Variants in SLIT2 observed in about 807,000 individuals in gnomAD.
SLIT2 encodes the protein slit guidance ligand 2, also known as slit homolog 2 protein.
A neutral mutation model predicts 185.7 loss-of-function variants in SLIT2; 41 were observed. The ratio of observed to expected loss-of-function variants is 0.22; its 90% CI spans 0.17 to 0.29. SLIT2 has a LOEUF of 0.29. Ranked by LOEUF, SLIT2 falls within the 10% of genes least tolerant of loss-of-function variation. The pLI is 1.00. For synonymous variants in SLIT2, 693 were observed against 680.2 expected (o/e 1.02, Z -0.29); for missense variants, 1,571 against 1,909.0 (o/e 0.82, Z 3.30).
At chr4:20,595,205 AAAT>A (rs1161174138) in intron 30 of SLIT2, among the ~76,000 whole-genome samples, 1 of 152,180 alleles carries the variant, frequency 6.6e-6, no homozygotes, top group African/African-American at 2.4e-5. Context: ...GCTTTTCTTA[AAAT>A]AATACCTTGT....
intron 4 of SLIT2, among the ~76,000 whole-genome samples, chr4:20,434,038 C>T (rs1018472867): frequency 6.6e-6 from 1 of 152,054 alleles, no homozygotes. Flanking sequence ...TAGGATAAAG[C>T]TTTGTGTCCC....
chr4:20,545,103 T>C (rs1337278521), intron 21 of SLIT2, among the ~76,000 whole-genome samples: 1 of 152,094 alleles, frequency 6.6e-6, no homozygotes, highest in East Asian at 1.9e-4. Context: ...TTCTCAGCTA[T>C]TTCTATATCC....
intron 4 of SLIT2, among the ~76,000 whole-genome samples, chr4:20,437,055 A>G (rs1464686833): frequency 6.6e-6 from 1 of 152,202 alleles, no homozygotes; most frequent in Admixed American, 6.5e-5. Flanking sequence ...AAATGTAAGC[A>G]TTTTGTCTCA....
chr4:20,492,962 ACT>A (rs1211380735), intron 9 of SLIT2, among the ~76,000 whole-genome samples: 1 of 152,084 alleles, frequency 6.6e-6, no homozygotes, highest in East Asian at 1.9e-4. Flanking sequence ...GGAATTCTAG[ACT>A]CTGTGAAGAT....
chr4:20,328,902 G>A (rs975159438), intron 4 of SLIT2, among the ~76,000 whole-genome samples: 7 of 152,084 alleles, frequency 4.6e-5, no homozygotes, highest in Admixed American at 6.6e-5. Flanking sequence ...ATGTGCACAT[G>A]TCTGTGTGTC....
intron 21 of SLIT2, among the ~76,000 whole-genome samples, chr4:20,545,470 T>C (rs998217187): frequency 6.6e-6 from 1 of 151,454 alleles, no homozygotes; most frequent in Admixed American, 6.6e-5. Context: ...TATATATATA[T>C]ATATATATTT....
At chr4:20,262,774 T>C (rs1283480511) in intron 3 of SLIT2, among the ~76,000 whole-genome samples, 2 of 151,826 alleles carry the variant, frequency 1.3e-5, no homozygotes, top group Admixed American at 1.3e-4. Flanking sequence ...TTAAATTAGG[T>C]TTACTGACGC....
intron 4 of SLIT2, among the ~76,000 whole-genome samples, chr4:20,377,508 CAAAT>C (rs1724124020): frequency 6.6e-6 from 1 of 152,098 alleles, no homozygotes; most frequent in Non-Finnish European, 1.5e-5. Context: ...CCATAGAAGA[CAAAT>C]AAAGAGCTGC....
chr4:20,273,247 A>G (rs1008515434), intron 4 of SLIT2, among the ~76,000 whole-genome samples: 4 of 152,058 alleles, frequency 2.6e-5, no homozygotes, highest in East Asian at 1.9e-4. Context: ...AAAAAGATCT[A>G]GGAAATTCAG....
intron 4 of SLIT2, among the ~76,000 whole-genome samples, chr4:20,356,436 A>G (rs1432200864): frequency 6.6e-6 from 1 of 152,180 alleles, no homozygotes; most frequent in African/African-American, 2.4e-5. Flanking sequence ...CTAGTTAGAT[A>G]TTGATGCATA....
At chr4:20,463,485 ATATATATG>A (rs1185072817) in intron 4 of SLIT2, among the ~76,000 whole-genome samples, 2 of 92,848 alleles carry the variant, frequency 2.2e-5, no homozygotes, top group Non-Finnish European at 4.2e-5. Flanking sequence ...ATATATATAT[ATATATATG>A]TGTGTGTGCG....
rs1016691927 is a variant in SLIT2, at chr4:20,484,132, T to A, written c.540-2068T>A. 6.6e-6 allele frequency among the ~76,000 whole-genome samples: 1 copy of A among 152,108 alleles called. No homozygotes were observed. Among genetic ancestry groups the A allele is most frequent in the African/African-American group, 2.4e-5 (1 of 41,450 alleles). ...TCCTTTGCATGGAGATATAAGAAAC[T>A]ATAGTTCAAAATTAATGCATGTCTG... On this transcript the variant is annotated intron_variant, in intron 6 of 36. Transcript: ENST00000504154. The surrounding 1 kb of genome is among the most constrained non-coding windows in gnomAD (Gnocchi z 4.3).
chr4:20,278,589 G>A lies in SLIT2; in HGVS notation c.395+9708G>A, dbSNP rs147423811. Reference sequence around the variant, plus strand: ...GCTTTAAACATTTTATCTTCTTTACGTAAGGACCAACCTTCTGGTTGAGTT... The same window carrying A: ...GCTTTAAACATTTTATCTTCTTTACATAAGGACCAACCTTCTGGTTGAGTT... On this transcript the variant is annotated intron_variant, in intron 4 of 36. Transcript: ENST00000504154. 3.0e-4 allele frequency among the ~76,000 whole-genome samples: 46 copies of A among 151,714 alleles called. 1 individual carries two copies. The South Asian group carries it at 3.1e-3, about 10-fold the overall frequency.
intron 19 of SLIT2, among the ~76,000 whole-genome samples, 155 bp from the exon 20 acceptor site, chr4:20,541,298 A>G (rs914887727): frequency 1.3e-5 from 2 of 152,182 alleles, no homozygotes; most frequent in Non-Finnish European, 2.9e-5. Context: ...CATCTCATAT[A>G]CTGCATGTGA....
chr4:20,256,561 T>TCAATTTCATC (rs1711865151), intron 1 of SLIT2, 111 bp from the exon 2 acceptor site: 2 of 591,116 alleles, frequency 3.4e-6, no homozygotes, highest in African/African-American at 3.8e-5. Flanking sequence ...ATACTTTGTA[T>TCAATTTCATC]ACTACTTTAG....
chr4:20,491,198 A>G (rs1018120429), intron 8 of SLIT2, among the ~76,000 whole-genome samples: 1 of 152,210 alleles, frequency 6.6e-6, no homozygotes, highest in African/African-American at 2.4e-5. Flanking sequence ...TATTATTATG[A>G]TTTCAGATAA....
At chr4:20,608,330 A>G (rs1187664939) in intron 33 of SLIT2, among the ~76,000 whole-genome samples, 1 of 152,192 alleles carries the variant, frequency 6.6e-6, no homozygotes, top group Admixed American at 6.5e-5. Context: ...TTATCTGACT[A>G]CAGAGTCTAT....
intron 4 of SLIT2, among the ~76,000 whole-genome samples, chr4:20,343,880 C>G (rs915589253): frequency 1.3e-5 from 2 of 150,794 alleles, no homozygotes; most frequent in Non-Finnish European, 2.9e-5. Flanking sequence ...GAGATGGAGT[C>G]TCGCTCTGTT....
chr4:20,296,475 T>C (rs1049828139), intron 4 of SLIT2, among the ~76,000 whole-genome samples: 1 of 152,168 alleles, frequency 6.6e-6, no homozygotes, highest in East Asian at 1.9e-4. Context: ...GGTAAAGAAG[T>C]TTCCAAGTAC....
Sources: allele counts gnomAD v4.1 joint callset (sites outside exome capture counted in the v4.1 genomes callset), GRCh38; gene constraint gnomAD v4.1.1; non-coding constraint Gnocchi (gnomAD v3.1); transcripts MANE v1.5; gene names NCBI Gene and HGNC (gene_info 2026-07-23, HGNC 2026-07-21).